The following LOC128092252 variants were observed in gnomAD, a reference collection of about 807,000 sequenced individuals.
the LOC128092252 span, among the ~76,000 whole-genome samples, chr15:50,672,725 T>A: frequency 2.0e-5 from 3 of 151,646 alleles, no homozygotes; most frequent in Admixed American, 2.0e-4. Context: ...GCCTGATCAA[T>A]GTGGTGAAAC....
the LOC128092252 span, among the ~76,000 whole-genome samples, chr15:50,677,403 TAAC>T: frequency 3.3e-5 from 5 of 151,512 alleles, no homozygotes; most frequent in Non-Finnish European, 5.9e-5. Context: ...ATTCAGTACA[TAAC>T]AACAACAACA....
At chr15:50,654,648 A>G in the LOC128092252 span, among the ~76,000 whole-genome samples, 5 of 151,558 alleles carry the variant, frequency 3.3e-5, no homozygotes, top group African/African-American at 9.6e-5. Flanking sequence ...AATGGAAACT[A>G]TAACAAAGAA....
the LOC128092252 span, among the ~76,000 whole-genome samples, chr15:50,685,447 AC>A: frequency 6.6e-6 from 1 of 152,244 alleles, no homozygotes; most frequent in Non-Finnish European, 1.5e-5. Context: ...ACAGAGTGAG[AC>A]CCTGTCTCAA....
At chr15:50,672,042 T>C in the LOC128092252 span, among the ~76,000 whole-genome samples, 704 of 152,224 alleles carry the variant, frequency 4.6e-3, 5 homozygotes, top group Non-Finnish European at 8.3e-3. Flanking sequence ...CTCCTACCTA[T>C]TTTTGTTTGG....
the LOC128092252 span, among the ~76,000 whole-genome samples, chr15:50,682,224 C>T: frequency 7.6e-6 from 1 of 131,078 alleles, no homozygotes; most frequent in Non-Finnish European, 1.6e-5. Context: ...TGTCAAGAGT[C>T]AAGTCTTGAC....
chr15:50,678,768 G>C, the LOC128092252 span, among the ~76,000 whole-genome samples: 2 of 152,060 alleles, frequency 1.3e-5, no homozygotes, highest in African/African-American at 4.8e-5. Context: ...AGTGGCTTAT[G>C]CCTGTAACCC....
At chr15:50,657,150 C>T in the LOC128092252 span, among the ~76,000 whole-genome samples, 1 of 152,048 alleles carries the variant, frequency 6.6e-6, no homozygotes, top group African/African-American at 2.4e-5. Flanking sequence ...ATGGTGAAAC[C>T]CCATTTCTAC....
chr15:50,685,814 C>T, the LOC128092252 span, among the ~76,000 whole-genome samples: 1 of 152,162 alleles, frequency 6.6e-6, no homozygotes. Flanking sequence ...CGGTTTAAAA[C>T]ACGATCAACT....
the LOC128092252 span, among the ~76,000 whole-genome samples, chr15:50,670,232 T>C: frequency 3.3e-5 from 5 of 152,078 alleles, no homozygotes; most frequent in East Asian, 9.6e-4. Flanking sequence ...GATTCTCTTA[T>C]AAAAGAAGGG....
chr15:50,682,173 C>CAAAAAAAAAAAA, the LOC128092252 span, among the ~76,000 whole-genome samples: 801 of 63,524 alleles, frequency 0.013, 72 homozygotes, highest in African/African-American at 0.048. Flanking sequence ...AACTCAGTCT[C>CAAAAAAAAAAAA]AAAAAAAAAA....
chr15:50,668,850 C>T, the LOC128092252 span, among the ~76,000 whole-genome samples: 2 of 152,240 alleles, frequency 1.3e-5, no homozygotes, highest in East Asian at 3.9e-4. Flanking sequence ...TCGGTTTTCT[C>T]TTGTGACAGG....
chr15:50,679,489 T>TTA, the LOC128092252 span, among the ~76,000 whole-genome samples: 2 of 118,844 alleles, frequency 1.7e-5, no homozygotes, highest in East Asian at 4.7e-4. Context: ...TATATATATA[T>TTA]TATATATATG....
At chr15:50,673,486 G>A in the LOC128092252 span, among the ~76,000 whole-genome samples, 3 of 152,038 alleles carry the variant, frequency 2.0e-5, no homozygotes, top group South Asian at 4.1e-4. Flanking sequence ...CGTCCTCATA[G>A]CTCAGCTCCC....
the LOC128092252 span, among the ~76,000 whole-genome samples, chr15:50,666,183 C>A: frequency 6.6e-6 from 1 of 151,790 alleles, no homozygotes; most frequent in Admixed American, 6.6e-5. Context: ...ATTGGTAAAC[C>A]TTTATCAAGA....
the LOC128092252 span, among the ~76,000 whole-genome samples, chr15:50,682,799 T>C: frequency 6.6e-6 from 1 of 152,168 alleles, no homozygotes; most frequent in Non-Finnish European, 1.5e-5. Context: ...AAGTTCTTTT[T>C]ACTGATTCAC....
At chr15:50,672,487 G>A in the LOC128092252 span, among the ~76,000 whole-genome samples, 2 of 152,000 alleles carry the variant, frequency 1.3e-5, no homozygotes, top group Non-Finnish European at 2.9e-5. Flanking sequence ...CCTTCCATGA[G>A]GCAAGATGAG....
the LOC128092252 span, among the ~76,000 whole-genome samples, chr15:50,684,842 C>T: frequency 2.6e-5 from 4 of 152,078 alleles, no homozygotes; most frequent in African/African-American, 9.7e-5. Context: ...CGACCAAATG[C>T]TATGTGCAGA....
the LOC128092252 span, among the ~76,000 whole-genome samples, chr15:50,682,953 G>A: frequency 6.6e-5 from 10 of 150,886 alleles, no homozygotes; most frequent in Admixed American, 6.6e-4. Context: ...CTGGAGTGCA[G>A]TGGCATGATC....
the LOC128092252 span, among the ~76,000 whole-genome samples, chr15:50,662,395 C>T: frequency 2.1e-4 from 32 of 151,186 alleles, no homozygotes; most frequent in Non-Finnish European, 4.6e-4. Context: ...ATGAGCTCAA[C>T]TTTTTCTTCA....
Sources: allele counts gnomAD v4.1 joint callset (sites outside exome capture counted in the v4.1 genomes callset), GRCh38; gene constraint gnomAD v4.1.1; transcripts MANE v1.5.